USH2A: variants seen among roughly 807,000 people sequenced by gnomAD.
USH2A encodes usherin, also known as Usher syndrome 2A (autosomal recessive, mild).
In USH2A, 443 loss-of-function variants were observed where a neutral mutation model predicts 538.9. The observed-to-expected ratio is 0.82, with a 90% confidence interval of 0.76 to 0.89. USH2A has a LOEUF of 0.89. Ranked by LOEUF, USH2A falls within the 40% of genes least tolerant of loss-of-function variation. USH2A has a pLI of 0.00. For missense variants in USH2A, 6,633 were observed against 6,324.8 expected, an observed-to-expected ratio of 1.05 and a Z score of -1.65; for synonymous variants, 2,413 against 2,273.5, an observed-to-expected ratio of 1.06 and a Z score of -1.75.
chr1:216,303,764 A>T (rs950316994), intron 9 of USH2A, among the ~76,000 whole-genome samples: 4 of 151,962 alleles, frequency 2.6e-5, no homozygotes, highest in Admixed American at 6.6e-5. Flanking sequence ...GAATTTCACA[A>T]ATGAAGGTCC....
At chr1:216,038,204 T>C (rs2030084348) in intron 32 of USH2A, among the ~76,000 whole-genome samples, 1 of 152,080 alleles carries the variant, frequency 6.6e-6, no homozygotes, top group Admixed American at 6.6e-5. Flanking sequence ...ACTGCCGATC[T>C]CTTTGGGGCA....
intron 40 of USH2A, among the ~76,000 whole-genome samples, chr1:215,890,808 A>G (rs775858583): frequency 3.9e-5 from 6 of 152,162 alleles, no homozygotes; most frequent in Admixed American, 6.5e-5. Flanking sequence ...TAAGATATCA[A>G]TGTTGTTTTG....
chr1:215,657,054 T>C (rs1317181675), intron 64 of USH2A, among the ~76,000 whole-genome samples: 1 of 152,272 alleles, frequency 6.6e-6, no homozygotes, highest in Non-Finnish European at 1.5e-5. Flanking sequence ...CCAATACCTG[T>C]ATTGGCTAAG....
Position 215,766,795 on chromosome 1 carries a change from AAAG to A in USH2A, c.10940-10_10940-8del. The A allele has an allele frequency of 6.2e-7, 1 of 1,611,756 alleles. No individual in the cohort carries two copies. Among genetic ancestry groups the A allele is most frequent in the Non-Finnish European group, 8.5e-7 (1 of 1,177,908 alleles). ...TTGGTGTATGGCTGGAGACCTAGAA[AAAG>A]CAAGCAAGAAATAAAGTGCACCTTA... On this transcript the variant is annotated splice_region_variant and splice_polypyrimidine_tract_variant and intron_variant, in intron 55 of 71. Coordinates refer to ENST00000307340, the MANE Select transcript of USH2A (RefSeq NM_206933.4).
intron 51 of USH2A, among the ~76,000 whole-genome samples, chr1:215,788,350 C>T (rs1661862496): frequency 6.6e-6 from 1 of 152,098 alleles, no homozygotes; most frequent in Non-Finnish European, 1.5e-5. Flanking sequence ...AAAGGATGTA[C>T]TCTATATCCA....
At chr1:215,864,625 A>G (rs2102438339) in intron 44 of USH2A, among the ~76,000 whole-genome samples, 1 of 152,282 alleles carries the variant, frequency 6.6e-6, no homozygotes, top group East Asian at 1.9e-4. Context: ...ATCTTTATGT[A>G]TAATTCTTAA....
chr1:215,851,547 A>C (rs1468450145), intron 44 of USH2A, among the ~76,000 whole-genome samples: 1 of 152,178 alleles, frequency 6.6e-6, no homozygotes, highest in African/African-American at 2.4e-5. Context: ...AATGGTAATT[A>C]TAACGTTACC....
chr1:216,270,236 C>G (rs1006916485), intron 11 of USH2A, among the ~76,000 whole-genome samples: 1 of 151,722 alleles, frequency 6.6e-6, no homozygotes, highest in Non-Finnish European at 1.5e-5. Context: ...TCACTAAAAG[C>G]CAATGAGGCA....
intron 21 of USH2A, among the ~76,000 whole-genome samples, chr1:216,163,801 G>A (rs1464591182): frequency 6.7e-6 from 1 of 149,998 alleles, no homozygotes; most frequent in Non-Finnish European, 1.5e-5. Context: ...TTTTCCCTAA[G>A]ACTATGCAAT....
chr1:215,689,712 A>C (rs1227762740), intron 61 of USH2A, among the ~76,000 whole-genome samples: 2 of 152,238 alleles, frequency 1.3e-5, no homozygotes, highest in Non-Finnish European at 2.9e-5. Flanking sequence ...CATGAGGGCC[A>C]ACAGCCAACA....
intron 61 of USH2A, among the ~76,000 whole-genome samples, chr1:215,714,137 G>A (rs1659416013): frequency 6.6e-6 from 1 of 152,196 alleles, no homozygotes; most frequent in Admixed American, 6.5e-5. Flanking sequence ...TGATTTAGCT[G>A]TGAACATACA....
intron 64 of USH2A, among the ~76,000 whole-genome samples, chr1:215,654,416 A>G (rs1657178497): frequency 6.6e-6 from 1 of 152,036 alleles, no homozygotes; most frequent in Admixed American, 6.5e-5. Flanking sequence ...GACTGAACAT[A>G]TTTATTCTTT....
intron 27 of USH2A, among the ~76,000 whole-genome samples, chr1:216,076,345 C>A (rs577135709): frequency 7.2e-5 from 11 of 152,174 alleles, no homozygotes; most frequent in African/African-American, 2.6e-4. Context: ...GTATCACAGA[C>A]TTAGTCATAG....
At chr1:215,986,164 G>A (rs1667868148) in intron 35 of USH2A, among the ~76,000 whole-genome samples, 1 of 152,008 alleles carries the variant, frequency 6.6e-6, no homozygotes, top group African/African-American at 2.4e-5. Context: ...CTGTCACCCA[G>A]GCTGAAGTGC....
At chr1:216,094,629 CTG>C (rs995439611) in intron 22 of USH2A, among the ~76,000 whole-genome samples, 2 of 152,054 alleles carry the variant, frequency 1.3e-5, no homozygotes, top group African/African-American at 4.8e-5. Flanking sequence ...ATTTCTGACT[CTG>C]TTATTTTTCC....
chr1:216,035,947 A>G (rs2029923494), intron 32 of USH2A, among the ~76,000 whole-genome samples: 1 of 152,178 alleles, frequency 6.6e-6, no homozygotes, highest in Non-Finnish European at 1.5e-5. Context: ...ACTCCTTTGA[A>G]AATAAGTCAA....
chr1:216,186,035 G>A (rs986185221), intron 20 of USH2A, among the ~76,000 whole-genome samples: 5 of 151,152 alleles, frequency 3.3e-5, no homozygotes, highest in Admixed American at 3.3e-4. Context: ...TTTTCTGCTG[G>A]GCAGGTGAAG....
intron 38 of USH2A, among the ~76,000 whole-genome samples, chr1:215,908,778 G>A (rs951664389): frequency 1.3e-5 from 2 of 151,640 alleles, no homozygotes; most frequent in African/African-American, 4.8e-5. Context: ...AGCTGACATT[G>A]ATGGATACAG....
chr1:215,875,585 A>AACTT (rs1385573239), intron 43 of USH2A, among the ~76,000 whole-genome samples: 1 of 152,072 alleles, frequency 6.6e-6, no homozygotes, highest in Non-Finnish European at 1.5e-5. Flanking sequence ...ATTCATAACT[A>AACTT]ACTTCATGGC....
Sources: allele counts gnomAD v4.1 joint callset (sites outside exome capture counted in the v4.1 genomes callset), GRCh38; gene constraint gnomAD v4.1.1; transcripts MANE v1.5; gene names NCBI Gene and HGNC (gene_info 2026-07-23, HGNC 2026-07-21).